Variants in PTCH1 observed in about 807,000 individuals in gnomAD.
PTCH1 encodes protein patched homolog 1.
PTCH1 carries 14 observed loss-of-function variants against 144.6 expected under a neutral mutation model. The observed-to-expected ratio is 0.10, with a 90% CI of 0.06 to 0.15. PTCH1 has a LOEUF of 0.15. Among genes scored for constraint, PTCH1 ranks in the 10% least tolerant of loss-of-function variants. The probability of loss-of-function intolerance (pLI) is 1.00; values close to 1 mark genes in which losing one functional copy is unlikely to be tolerated. For missense variants in PTCH1, 1,623 were observed against 1,948.3 expected, an observed-to-expected ratio of 0.83 and a Z score of 3.14; for synonymous variants, 833 against 793.6, an observed-to-expected ratio of 1.05 and a Z score of -0.83.
chr9:95,506,702 G>A (rs988731393), intron 1 of PTCH1, 103 bp from the exon 2 acceptor site: 12 of 1,068,710 alleles, frequency 1.1e-5, no homozygotes, highest in African/African-American at 6.5e-5. Flanking sequence ...ACAGCCGTGG[G>A]GGCGCGGGTG....
intron 2 of PTCH1, 68 bp downstream of exon 2, chr9:95,506,339 C>A (rs1350314218): frequency 2.0e-6 from 3 of 1,537,472 alleles, no homozygotes; most frequent in Non-Finnish European, 2.7e-6. Context: ...TGTGCGCTGG[C>A]GAATATCTCT....
At chr9:95,513,293 C>A (rs1844234999), upstream of PTCH1, among the ~76,000 whole-genome samples, 1 of 152,174 alleles carries the variant, frequency 6.6e-6, no homozygotes. Context: ...GCAAGTTTTG[C>A]AGAGTATAAA....
chr9:95,485,563 A>G, intron 3 of PTCH1, 122 bp downstream of exon 3: 1 of 1,175,904 alleles, frequency 8.5e-7, no homozygotes, highest in Admixed American at 2.1e-5. Flanking sequence ...AGCTATTTGA[A>G]CTAATACTCC....
upstream of PTCH1, among the ~76,000 whole-genome samples, chr9:95,512,674 C>CCA (rs1205096002): frequency 6.6e-6 from 1 of 152,150 alleles, no homozygotes; most frequent in African/African-American, 2.4e-5. Context: ...GACTGCTGTG[C>CCA]CACACCGGGT....
chr9:95,459,537 G>A (rs1839264645), intron 17 of PTCH1, 63 bp downstream of exon 17: 2 of 1,586,882 alleles, frequency 1.3e-6, no homozygotes, highest in East Asian at 2.2e-5. Flanking sequence ...CTGTTGCTGA[G>A]TTTGGAGAAC....
chr9:95,458,400 T>C lies in PTCH1; in HGVS notation c.2888-107A>G, dbSNP rs985943689. Reference sequence around the variant, plus strand: ...CATGAAAGCTTACTGACTGCTCTTCTACATGATACAAAGAACAAACAATGC... The same window carrying C: ...CATGAAAGCTTACTGACTGCTCTTCCACATGATACAAAGAACAAACAATGC... On this transcript the variant is annotated intron_variant, in intron 17 of 23. Transcript: ENST00000331920. This position sits in a 1 kb window ranked among gnomAD's most constrained non-coding sequence, Gnocchi z 4.7. 3.7e-5 allele frequency: 50 copies of C among 1,368,662 alleles called. No individual in the cohort carries two copies. The African/African-American group carries it at 6.5e-4, about 18-fold the overall frequency. The allele number at this position is 1,368,662 out of a possible 1,614,324, so 84.8% of individuals were successfully genotyped here.
chr9:95,506,905 G>A (rs1433446742), intron 1 of PTCH1: 104 of 1,109,462 alleles, frequency 9.4e-5, no homozygotes, highest in Middle Eastern at 7.5e-4. Context: ...AGGTAGAGAG[G>A]AGAGAAACCA....
chr9:95,506,389 C>G lies in PTCH1; in HGVS notation c.394+18G>C, dbSNP rs749589611. Reference sequence around the variant, plus strand: ...GGGACCGGGCCGGGGGCGCGGGCGCCGCGGCGGGCGCTCTTACCTTCCACC... The same window carrying G: ...GGGACCGGGCCGGGGGCGCGGGCGCGGCGGCGGGCGCTCTTACCTTCCACC... On this transcript the variant is annotated intron_variant, in intron 2 of 23. Transcript: ENST00000331920. 4 of 1,607,818 alleles carry G rather than the reference C, an allele frequency of 2.5e-6. No homozygotes were observed. The South Asian group carries it at 4.4e-5, about 18-fold the overall frequency.
rs1410226185 is a variant in PTCH1 at position 95,449,332 on chromosome 9, G to C, written c.3550-9C>G. 1 of 1,544,924 alleles carries C rather than the reference G, an allele frequency of 6.5e-7. No homozygotes were observed. The highest frequency in any genetic ancestry group is 1.4e-5 in the African/African-American group (1 of 73,336). On this transcript the variant is annotated splice_polypyrimidine_tract_variant and intron_variant, in intron 21 of 23. Coordinates refer to ENST00000331920, the MANE Select transcript of PTCH1 (RefSeq NM_000264.5). This position sits in a 1 kb window ranked among gnomAD's most constrained non-coding sequence, Gnocchi z 5.3. ...CCGTTGGCTGGAGACACCTATTTAA[G>C]GGGATTCCATGTTAAAAGTGTTCTT...
rs1839171065 is a variant in PTCH1, at chr9:95,458,532, T to G, written c.2888-239A>C. Among the ~76,000 whole-genome samples the G allele has an allele frequency of 6.6e-6, 1 of 152,266 alleles. No homozygotes were observed. The highest frequency in any genetic ancestry group is 2.4e-5 in the African/African-American group (1 of 41,476). The stretch of plus-strand genomic sequence containing the variant: ...TTGATTTTAATCTTCCAGCAGTCAT[T>G]CTTTGTGAGGGGTCTAAAAACTCCA... On this transcript the variant is annotated intron_variant, in intron 17 of 23. Transcript: ENST00000331920. This position sits in a 1 kb window ranked among gnomAD's most constrained non-coding sequence, Gnocchi z 4.7.
At chr9:95,491,159 C>T (rs1017069324) in intron 2 of PTCH1, among the ~76,000 whole-genome samples, 16 of 152,154 alleles carry the variant, frequency 1.1e-4, no homozygotes, top group African/African-American at 3.9e-4. Flanking sequence ...ACGTTTTATA[C>T]TTGGGTGGTG....
At position 95,458,987 on chromosome 9, in the gene PTCH1, C is replaced by T. The variant is rs909604658; in HGVS notation, c.2887+613G>A. On this transcript the variant is annotated intron_variant, in intron 17 of 23. Coordinates refer to ENST00000331920, the MANE Select transcript of PTCH1 (RefSeq NM_000264.5). This position sits in a 1 kb window ranked among gnomAD's most constrained non-coding sequence, Gnocchi z 4.7. ...CTCCAGCCATGTTTGCAAGGGGACC[C>T]GTCTTCTTTCTCACATCCTCCCTTG... Among the ~76,000 whole-genome samples, 1 of 152,140 alleles carries T rather than the reference C, an allele frequency of 6.6e-6. No individual in the cohort carries two copies. Among genetic ancestry groups the T allele is most frequent in the Non-Finnish European group, 1.5e-5 (1 of 68,024 alleles).
Position 95,481,966 on chromosome 9 carries a change from A to G in PTCH1, c.729T>C (p.Ser243=), listed in dbSNP as rs1223341544. 6.2e-7 allele frequency: 1 copy of G among 1,612,670 alleles called. No individual in the cohort carries two copies. Among genetic ancestry groups the G allele is most frequent in the South Asian group, 1.1e-5 (1 of 91,050 alleles). The change falls in exon 5 of 24, where the codon TCT becomes TCC. Residue 243 remains serine (S), a synonymous_variant. Coordinates refer to ENST00000331920, the MANE Select transcript of PTCH1 (RefSeq NM_000264.5). ...DCFWEGAKLQ[S]GTAYLLGKPP... is the part of the protein sequence containing the mutation. ...ACACTTACAGGAGGTATGCTGTCCC[A>G]GACTGTAATTTCGCCCCTTCCCAGA...
At chr9:95,452,881 C>G (rs530041567) in intron 20 of PTCH1, 8 of 159,758 alleles carry the variant, frequency 5.0e-5, no homozygotes, top group Non-Finnish European at 8.3e-5. Context: ...GTTTCTAACC[C>G]GAGACAATAA....
At chr9:95,508,083 GTGTT>G (rs878989266) in intron 1 of PTCH1, 74 bp downstream of exon 1, 190 of 1,595,800 alleles carry the variant, frequency 1.2e-4, no homozygotes, top group African/African-American at 1.5e-4. Context: ...GAGAGTGTGT[GTGTT>G]TGTGTGTGGC....
chr9:95,506,540 T>G lies in PTCH1; in HGVS notation c.261A>C (p.Leu87Phe). The G allele has an allele frequency of 6.2e-7, 1 of 1,613,414 alleles. No homozygotes were observed. The highest frequency in any genetic ancestry group is 2.2e-5 in the East Asian group (1 of 44,812). ...TTTGAATGTAACAACCCAGTTTAAA[T>G]AAGAGTCTCTGAAACTTCGCTCTCA... ...LWLRAKFQRL[L>F]FKLGCYIQKN... Residue 87 changes from leucine (L) to phenylalanine (F), a missense_variant, in exon 2 of 24, where the codon TTA (leucine) becomes TTC (phenylalanine). By Grantham distance (22) the Leu-to-Phe change is conservative. Around this residue, in one of 7 missense-constraint regions of PTCH1, gnomAD observed 245 missense variants for 240.6 expected, o/e 1.02. Transcript: ENST00000331920.
chr9:95,471,186 A>T (rs779660929), intron 12 of PTCH1, among the ~76,000 whole-genome samples: 1 of 152,232 alleles, frequency 6.6e-6, no homozygotes, highest in Non-Finnish European at 1.5e-5. Context: ...TAGGGTGAGG[A>T]AAGAAAACCT....
upstream of PTCH1, among the ~76,000 whole-genome samples, chr9:95,511,699 C>T (rs1158518859): frequency 6.6e-6 from 1 of 152,176 alleles, no homozygotes; most frequent in Non-Finnish European, 1.5e-5. Context: ...TGAGTACGAT[C>T]CTGATGTTTA....
chr9:95,497,396 A>G (rs771217197), intron 2 of PTCH1, among the ~76,000 whole-genome samples: 14 of 152,246 alleles, frequency 9.2e-5, no homozygotes, highest in Non-Finnish European at 1.8e-4. Context: ...TGCAGAAAGC[A>G]GGAGAAAACT....
Sources: allele counts gnomAD v4.1 joint callset (sites outside exome capture counted in the v4.1 genomes callset), GRCh38; gene constraint gnomAD v4.1.1; regional missense constraint gnomAD v4.1.1; non-coding constraint Gnocchi (gnomAD v3.1); transcripts MANE v1.5; gene names NCBI Gene and HGNC (gene_info 2026-07-23, HGNC 2026-07-21).